The following CAPN10 variants were observed in gnomAD, a reference collection of about 807,000 sequenced individuals.
CAPN10 encodes the protein calpain 10, also known as calpain-10.
CAPN10 carries 71 observed loss-of-function variants against 78.4 expected under a neutral mutation model. The ratio of observed to expected loss-of-function variants is 0.91; its 90% CI spans 0.75 to 1.10. The LOEUF is 1.10. Among genes scored for constraint, CAPN10 ranks in the 50% least tolerant of loss-of-function variants. The pLI, the probability that CAPN10 is intolerant of heterozygous loss-of-function variation, is 0.00. For missense variants in CAPN10, 849 were observed against 924.6 expected, an observed-to-expected ratio of 0.92 and a Z score of 1.06; for synonymous variants, 437 against 407.2, an observed-to-expected ratio of 1.07 and a Z score of -0.88.
chr2:240,594,145 GGC>G, intron 5 of CAPN10, 98 bp downstream of exon 5: 1 of 1,317,564 alleles, frequency 7.6e-7, no homozygotes, highest in Non-Finnish European at 1.0e-6. Context: ...GACTGTACTT[GGC>G]TGTCTCCAGC....
Position 240,598,015 on chromosome 2 carries a change from A to G in CAPN10, c.1871A>G (p.Lys624Arg), listed in dbSNP as rs776869845. The change falls in exon 10 of 12, where the codon AAG (lysine) becomes AGG (arginine). Residue 624 changes from lysine to arginine, a missense_variant. Lys to Arg is a conservative substitution (Grantham distance 26, BLOSUM62 2). Coordinates refer to ENST00000391984, the MANE Select transcript of CAPN10 (RefSeq NM_023083.4). ...RLCLLPAGTY[K>R]VVPSTYLPDT... ...TGCCTCCTGCCTGCGGGCACCTACA[A>G]GGTTGTGCCCTCCACCTACCTGCCG... 1.2e-6 allele frequency: 2 copies of G among 1,613,220 alleles called. No individual in the cohort carries two copies. Among genetic ancestry groups the G allele is most frequent in the East Asian group, 2.2e-5 (1 of 44,870 alleles).
intron 7 of CAPN10, among the ~76,000 whole-genome samples, chr2:240,595,559 C>T: frequency 6.6e-6 from 1 of 152,214 alleles, no homozygotes; most frequent in Non-Finnish European, 1.5e-5. Flanking sequence ...AGTCTGCAGC[C>T]AGGGCAGGAC....
At chr2:240,596,168 T>C in intron 7 of CAPN10, 151 bp from the exon 8 acceptor site, 1 of 1,491,622 alleles carries the variant, frequency 6.7e-7, no homozygotes, top group African/African-American at 1.4e-5. Flanking sequence ...CATCTCTAGC[T>C]GGTCCCTGAG....
chr2:240,591,241 G>T (rs2093100024), intron 3 of CAPN10: 8 of 540,348 alleles, frequency 1.5e-5, no homozygotes, highest in Non-Finnish European at 2.3e-5. Context: ...CCAAAGCCCA[G>T]CGTGGAGTCG....
At chr2:240,598,591 G>A in intron 11 of CAPN10, 60 bp from the exon 12 acceptor site, 1 of 1,536,992 alleles carries the variant, frequency 6.5e-7, no homozygotes, top group African/African-American at 1.4e-5. Context: ...CTGCACTCGG[G>A]GTGGGGTGTG....
Position 240,590,430 on chromosome 2 carries a change from G to T in CAPN10, c.274-385G>T, listed in dbSNP as rs572270727. The T allele has an allele frequency of 2.6e-3, 433 of 165,250 alleles. 4 individuals carry two copies. The highest frequency in any genetic ancestry group is 9.7e-3 in the African/African-American group (406 of 41,990). 10.2% of individuals were successfully genotyped at this position (165,250 alleles called of 1,614,324 possible). ...CATTTGTTTTGGCTTCAGGTCAGAT[G>T]CTTTTAGTGAGGGCAGCAGAGTGTG... On this transcript the variant is annotated intron_variant, in intron 2 of 11. Transcript: ENST00000391984.
rs184439941 is a variant in CAPN10, at chr2:240,596,418, G to A, written c.1378G>A (p.Glu460Lys). Reference sequence around the variant, plus strand: ...CGACCGGGAGGTCCACCTGCGTTGTGAGCTCTCACCGGGCTACTACCTGGC... The same window carrying A: ...CGACCGGGAGGTCCACCTGCGTTGTAAGCTCTCACCGGGCTACTACCTGGC... ...AYDREVHLRC[E>K]LSPGYYLAVP... Residue 460 changes from glutamate to lysine, a missense_variant, in exon 8 of 12, where the codon GAG becomes AAG. Transcript: ENST00000391984. 1.2e-3 allele frequency: 1,943 copies of A among 1,613,654 alleles called. 4 individuals are homozygous for A. Among genetic ancestry groups the A allele is most frequent in the Non-Finnish European group, 9.4e-4 (1,115 of 1,179,954 alleles).
chr2:240,591,773 A>G, intron 3 of CAPN10, 160 bp from the exon 4 acceptor site: 1 of 645,668 alleles, frequency 1.5e-6, no homozygotes, highest in Admixed American at 2.8e-5. Context: ...AGGTGAGGCT[A>G]AGCCTTGACT....
In CAPN10 at chr2:240,595,211, G is replaced by C. The variant is rs2093129239; in HGVS notation, c.1185G>C (p.Arg395=). 1 of 1,613,668 alleles carries C rather than the reference G, an allele frequency of 6.2e-7. No homozygotes were observed. Among genetic ancestry groups the C allele is most frequent in the Non-Finnish European group, 8.5e-7 (1 of 1,180,008 alleles). The stretch of plus-strand genomic sequence containing the variant: ...TGCACGCGGCGGACTGGGCAGGCCG[G>C]GCCCGGGCACTGGTGGGTGACAGTC... ...SRLHAADWAG[R]ARALVGDSHT... Residue 395 remains arginine (R), a synonymous_variant, in exon 7 of 12, where the codon CGG becomes CGC. Transcript: ENST00000391984.
Position 240,595,178 on chromosome 2 carries a change from A to T in CAPN10, c.1152A>T (p.Arg384Ser). Residue 384 changes from arginine (R) to serine (S), a missense_variant, in exon 7 of 12, where the codon AGA (arginine) becomes AGT (serine). By Grantham distance (110) the Arg-to-Ser change is moderately radical. Coordinates refer to ENST00000391984, the MANE Select transcript of CAPN10 (RefSeq NM_023083.4). ...AGGTGTACATTGCCGTCCTGCAGAG[A>T]TCCAGGCTGCACGCGGCGGACTGGG... Reference protein sequence around the residue: ...PSEVYIAVLQRSRLHAADWAG... With the variant: ...PSEVYIAVLQSSRLHAADWAG... The T allele has an allele frequency of 3.1e-6, 5 of 1,613,736 alleles. No individual in the cohort carries two copies. Among genetic ancestry groups the T allele is most frequent in the Non-Finnish European group, 4.2e-6 (5 of 1,179,996 alleles).
chr2:240,598,604 A>C, intron 11 of CAPN10, 47 bp from the exon 12 acceptor site: 1 of 1,558,132 alleles, frequency 6.4e-7, no homozygotes, highest in Non-Finnish European at 8.7e-7. Context: ...GGGGTGTGAG[A>C]AGGGGCGAGT....
In CAPN10 at chr2:240,595,068, A is replaced by G. The variant is rs374988590; in HGVS notation, c.1042A>G (p.Lys348Glu). Residue 348 changes from lysine (K) to glutamate (E), a missense_variant, in exon 7 of 12, where the codon AAG (lysine) becomes GAG (glutamate). Lys to Glu is a moderately conservative substitution (Grantham distance 56, BLOSUM62 1). Coordinates refer to ENST00000391984, the MANE Select transcript of CAPN10 (RefSeq NM_023083.4). ...HTRALPGAWVKGQSAGGCRNN... is the reference protein window; with the variant it reads ...HTRALPGAWVEGQSAGGCRNN... ...GCGGGCGCTGCCTGGGGCCTGGGTCAAGGGCCAGTCAGCAGGAGGCTGCCG... is the reference window on the plus strand; with the variant it reads ...GCGGGCGCTGCCTGGGGCCTGGGTCGAGGGCCAGTCAGCAGGAGGCTGCCG... 9.3e-6 allele frequency: 15 copies of G among 1,613,438 alleles called. No homozygotes were observed. In the African/African-American group the frequency reaches 1.7e-4, roughly 19 times the overall value.
chr2:240,594,339 G>C (rs2093122016), intron 5 of CAPN10: 1 of 647,502 alleles, frequency 1.5e-6, no homozygotes, highest in Non-Finnish European at 2.7e-6. Flanking sequence ...TGGGAAAAGA[G>C]AGGGCTCCAG....
rs1398353880 is a variant in CAPN10 at position 240,594,591 on chromosome 2, G to C, written c.879G>C (p.Leu293=). 2.5e-6 allele frequency: 4 copies of C among 1,613,850 alleles called. No individual in the cohort carries two copies. The East Asian group carries it at 8.9e-5, about 36-fold the overall frequency. Residue 293 remains leucine (L), a synonymous_variant, in exon 6 of 12, where the codon CTG becomes CTC. Transcript: ENST00000391984. ...QVDAAVASEL[L]SQLQEGEFWV... is the part of the protein sequence containing the mutation. The stretch of plus-strand genomic sequence containing the variant: ...ATGCAGCGGTAGCATCTGAGCTCCT[G>C]TCCCAGCTCCAGGAAGGGGAGTTCT...
chr2:240,589,283 T>G, intron 1 of CAPN10, 60 bp from the exon 2 acceptor site: 1 of 1,611,068 alleles, frequency 6.2e-7, no homozygotes, highest in Non-Finnish European at 8.5e-7. Context: ...CCTTGGGTTC[T>G]TAGTTTGAAG....
intron 1 of CAPN10, among the ~76,000 whole-genome samples, chr2:240,588,111 C>T (rs2093079568): frequency 1.3e-5 from 2 of 152,098 alleles, no homozygotes; most frequent in Admixed American, 6.6e-5. Flanking sequence ...ATCAACATGC[C>T]TTCTGGGTTT....
chr2:240,592,358 T>G, intron 4 of CAPN10: 1 of 682,934 alleles, frequency 1.5e-6, no homozygotes, highest in Non-Finnish European at 2.7e-6. Context: ...TTCTCTCCCC[T>G]GACCAGTCCT....
rs1385901040 is a variant in CAPN10 at position 240,599,090 on chromosome 2, C to T, written c.*410C>T. The T allele has an allele frequency of 4.2e-5, 9 of 215,504 alleles. No homozygotes were observed. The highest frequency in any genetic ancestry group is 2.0e-4 in the Admixed American group (4 of 19,582). The allele number at this position is 215,504 out of a possible 1,614,324, so 13.3% of individuals were successfully genotyped here. ...ATGTAACTTTATAAATAAACATGAG[C>T]GCTGATGATTTGCAGATCAGTCTTG... On this transcript the variant is annotated 3_prime_UTR_variant, in exon 12 of 12. Transcript: ENST00000391984.
At chr2:240,594,804 T>A in intron 6 of CAPN10, 95 bp downstream of exon 6, 1 of 1,021,294 alleles carries the variant, frequency 9.8e-7, no homozygotes, top group Non-Finnish European at 1.3e-6. Context: ...AGGCCCAGTT[T>A]GGTTCTCTTC....
Sources: gnomAD v4.1 joint callset for allele counts (sites outside exome capture counted in the v4.1 genomes callset) on GRCh38, gnomAD v4.1.1 for gene constraint, MANE v1.5 for transcripts, NCBI Gene and HGNC (gene_info 2026-07-23, HGNC 2026-07-21) for gene names.